RSBN1L: variants seen among roughly 807,000 people sequenced by gnomAD.
RSBN1L encodes the protein round spermatid basic protein 1 like, also known as lysine-specific demethylase RSBN1L.
RSBN1L carries 30 observed loss-of-function variants against 67.7 expected under a neutral mutation model. The observed-to-expected ratio is 0.44, with a 90% CI of 0.33 to 0.60. The LOEUF is 0.60. RSBN1L is among the 20% of genes least tolerant of loss of function. The probability of loss-of-function intolerance (pLI) is 0.02; values close to 1 mark genes in which losing one functional copy is unlikely to be tolerated. For missense variants in RSBN1L, 992 were observed against 1,031.7 expected, an observed-to-expected ratio of 0.96 and a Z score of 0.53; for synonymous variants, 433 against 387.0, an observed-to-expected ratio of 1.12 and a Z score of -1.39.
At chr7:77,743,461 TTTG>T (rs200323664) in intron 2 of RSBN1L, among the ~76,000 whole-genome samples, 8,572 of 100,320 alleles carry the variant, frequency 0.085, 299 homozygotes, top group South Asian at 0.19. Flanking sequence ...ATAAGTTGGT[TTTG>T]TTTTTTTTTT....
chr7:77,741,354 G>T (rs560906108), intron 2 of RSBN1L, among the ~76,000 whole-genome samples: 59 of 151,990 alleles, frequency 3.9e-4, no homozygotes, highest in African/African-American at 1.3e-3. Context: ...TATTCTTTCT[G>T]TTATAGGTAC....
At chr7:77,702,165 A>G (rs1272177895) in intron 1 of RSBN1L, among the ~76,000 whole-genome samples, 3 of 148,426 alleles carry the variant, frequency 2.0e-5, no homozygotes, top group Admixed American at 2.0e-4. Context: ...ATAGGGTTTC[A>G]CTGTGTTGGC....
intron 2 of RSBN1L, among the ~76,000 whole-genome samples, chr7:77,748,875 G>C (rs976563928): frequency 2.6e-5 from 4 of 151,852 alleles, no homozygotes; most frequent in Admixed American, 1.3e-4. Flanking sequence ...ACACACTGTA[G>C]ATGTAACTTT....
chr7:77,719,184 T>G (rs540648015), intron 1 of RSBN1L, among the ~76,000 whole-genome samples: 31 of 152,212 alleles, frequency 2.0e-4, no homozygotes, highest in Non-Finnish European at 4.6e-4. Context: ...TTGGAAAATT[T>G]CACTTGGAGC....
intron 2 of RSBN1L, among the ~76,000 whole-genome samples, chr7:77,744,497 G>C (rs1791456132): frequency 6.6e-6 from 1 of 151,790 alleles, no homozygotes; most frequent in Non-Finnish European, 1.5e-5. Context: ...TTTTGAGGGG[G>C]AGACGTCTCA....
chr7:77,697,594 C>G (rs987070526), intron 1 of RSBN1L, among the ~76,000 whole-genome samples: 1 of 152,090 alleles, frequency 6.6e-6, no homozygotes, highest in East Asian at 1.9e-4. Context: ...CGTGCAGGGC[C>G]CGAAGTGCGC....
rs917450636 is a variant in RSBN1L at position 77,782,818 on chromosome 7, T to C, written c.*3650T>C. 6 of 152,222 alleles carry C rather than the reference T, an allele frequency of 3.9e-5. No homozygotes were observed. The East Asian group carries it at 7.7e-4, about 20-fold the overall frequency. 9.4% of individuals were successfully genotyped at this position (152,222 alleles called of 1,614,324 possible). Reference sequence around the variant, plus strand: ...AAAACAGTTTTTTCCCAAATACTTATGGCAGATAAGAGCATTTTTGTAAAT... The same window carrying C: ...AAAACAGTTTTTTCCCAAATACTTACGGCAGATAAGAGCATTTTTGTAAAT... On this transcript the variant is annotated 3_prime_UTR_variant, in exon 8 of 8. Transcript: ENST00000334955.
At position 77,701,177 on chromosome 7, in the gene RSBN1L, C is replaced by G. The variant is rs890867068; in HGVS notation, c.586+4122C>G. Among the ~76,000 whole-genome samples the G allele has an allele frequency of 8.3e-5, 11 of 132,870 alleles. No homozygotes were observed. In the East Asian group the frequency reaches 1.9e-3, roughly 23 times the overall value. 87.2% of individuals were successfully genotyped at this position (132,870 alleles called of 152,430 possible). A position where few individuals can be genotyped will look rare whatever the true frequency, so the allele number is the denominator to read the frequency against. On this transcript the variant is annotated intron_variant, in intron 1 of 7. Coordinates refer to ENST00000334955, the MANE Select transcript of RSBN1L (RefSeq NM_198467.3). ...AAAAAAAAAAAAAAAAAAACAACAA[C>G]AACAACAACAACAAAAAAAAACGAC...
intron 3 of RSBN1L, among the ~76,000 whole-genome samples, chr7:77,761,669 C>T (rs948667520): frequency 4.6e-5 from 7 of 152,068 alleles, no homozygotes; most frequent in African/African-American, 1.4e-4. Context: ...GCAGTATATA[C>T]TTTTTAAATT....
At chr7:77,725,910 C>A (rs1015411472) in intron 1 of RSBN1L, among the ~76,000 whole-genome samples, 7 of 152,080 alleles carry the variant, frequency 4.6e-5, no homozygotes, top group Non-Finnish European at 8.8e-5. Context: ...TTTTTAAAAA[C>A]CTAAATATAC....
intron 3 of RSBN1L, among the ~76,000 whole-genome samples, chr7:77,751,290 C>CTG (rs1562805053): frequency 6.6e-6 from 1 of 151,780 alleles, no homozygotes; most frequent in Non-Finnish European, 1.5e-5. Flanking sequence ...CAGACATGCA[C>CTG]CACCATGCCT....
Position 77,721,045 on chromosome 7 carries a change from T to G in RSBN1L, c.587-15365T>G, listed in dbSNP as rs550477262. On this transcript the variant is annotated intron_variant, in intron 1 of 7. Transcript: ENST00000334955. ...CGGTGAGCCACCGTGCCCAGCCTACTGCTTTTTTTCTTATGTGGATTTAAC... is the reference window on the plus strand; with the variant it reads ...CGGTGAGCCACCGTGCCCAGCCTACGGCTTTTTTTCTTATGTGGATTTAAC... Among the ~76,000 whole-genome samples the G allele has an allele frequency of 5.1e-4, 78 of 152,292 alleles. No homozygotes were observed. In the South Asian group the frequency reaches 0.016, roughly 32 times the overall value.
At chr7:77,759,088 G>A (rs190786595) in intron 3 of RSBN1L, among the ~76,000 whole-genome samples, 178 of 152,326 alleles carry the variant, frequency 1.2e-3, no homozygotes, top group African/African-American at 4.1e-3. Context: ...TGATCTGACT[G>A]TTAGACCTGC....
chr7:77,770,559 C>T (rs11979172), intron 5 of RSBN1L, among the ~76,000 whole-genome samples: 86,615 of 151,686 alleles, frequency 0.57, 26,599 homozygotes, highest in African/African-American at 0.81. Flanking sequence ...GGTACATGCC[C>T]GTAGCCCTAG....
intron 1 of RSBN1L, among the ~76,000 whole-genome samples, chr7:77,700,673 A>G (rs748725607): frequency 1.3e-5 from 2 of 152,154 alleles, no homozygotes; most frequent in Non-Finnish European, 2.9e-5. Context: ...CTGCTGAGGG[A>G]ATAATTTACT....
intron 2 of RSBN1L, among the ~76,000 whole-genome samples, chr7:77,742,404 T>C (rs1791425875): frequency 6.6e-6 from 1 of 152,122 alleles, no homozygotes. Flanking sequence ...TGACAACACA[T>C]GTGAAATCTT....
At chr7:77,734,118 T>G (rs558406803) in intron 1 of RSBN1L, among the ~76,000 whole-genome samples, 2 of 152,276 alleles carry the variant, frequency 1.3e-5, no homozygotes, top group South Asian at 4.1e-4. Flanking sequence ...AGAGCAAGAC[T>G]TTGTCTCAAA....
At chr7:77,731,662 C>T (rs1236670263) in intron 1 of RSBN1L, among the ~76,000 whole-genome samples, 8 of 152,056 alleles carry the variant, frequency 5.3e-5, no homozygotes, top group South Asian at 4.1e-4. Flanking sequence ...TCTTTTTAGT[C>T]CCTTGACTGT....
chr7:77,712,193 CTT>C (rs1243203115), intron 1 of RSBN1L, among the ~76,000 whole-genome samples: 19 of 151,090 alleles, frequency 1.3e-4, no homozygotes, highest in Admixed American at 3.3e-4. Flanking sequence ...TACATTTTCA[CTT>C]AGTGTATTAT....
Sources: allele counts gnomAD v4.1 joint callset (sites outside exome capture counted in the v4.1 genomes callset), GRCh38; gene constraint gnomAD v4.1.1; transcripts MANE v1.5; gene names NCBI Gene and HGNC (gene_info 2026-07-23, HGNC 2026-07-21).